The following TMPRSS6 variants were observed in gnomAD, a reference collection of about 807,000 sequenced individuals.
TMPRSS6 encodes transmembrane serine protease 6, also known as transmembrane protease serine 6.
A neutral mutation model predicts 101.5 loss-of-function variants in TMPRSS6; 67 were observed. The ratio of observed to expected loss-of-function variants is 0.66; its 90% CI spans 0.54 to 0.81. The LOEUF (loss-of-function observed/expected upper bound fraction) is 0.81, where lower values mean the gene tolerates loss of function less well. Ranked by LOEUF, TMPRSS6 falls within the 30% of genes least tolerant of loss-of-function variation. The pLI, the probability that TMPRSS6 is intolerant of heterozygous loss-of-function variation, is 0.00. For synonymous variants in TMPRSS6, 453 were observed against 464.9 expected (o/e 0.97, Z 0.33); for missense variants, 1,034 against 1,088.7 (o/e 0.95, Z 0.71).
intron 1 of TMPRSS6, among the ~76,000 whole-genome samples, chr22:37,104,248 T>A (rs1176921696): frequency 6.6e-6 from 1 of 152,056 alleles, no homozygotes; most frequent in African/African-American, 2.4e-5. Flanking sequence ...AGCCCCATTT[T>A]CCCAGTGTGA....
chr22:37,072,233 T>TG (rs1555887127), intron 13 of TMPRSS6, among the ~76,000 whole-genome samples: 2 of 58,582 alleles, frequency 3.4e-5, no homozygotes, highest in African/African-American at 2.1e-4. Context: ...GATGGATGGA[T>TG]GATGGATGGA....
rs1928565676 is a variant in TMPRSS6 at position 37,084,753 on chromosome 22, G to C, written c.1060C>G (p.Gln354Glu). The change falls in exon 9 of 18, where the codon CAA (glutamine) becomes GAA (glutamate). Residue 354 changes from glutamine (Q) to glutamate (E), a missense_variant. Physicochemically the swap from Gln to Glu is conservative, Grantham distance 29 (BLOSUM62 2). Coordinates refer to ENST00000676104, the MANE Select transcript of TMPRSS6 (RefSeq NM_001374504.1). ...GTGAGGTGCCAGGAGCAGTGGGTTTGGGGCGAGTAGTAGCTGGGGAAGTAC... is the reference window on the plus strand; with the variant it reads ...GTGAGGTGCCAGGAGCAGTGGGTTTCGGGCGAGTAGTAGCTGGGGAAGTAC... ...TPYFPSYYSP[Q>E]THCSWHLTVP... 1 of 1,566,178 alleles carries C rather than the reference G, an allele frequency of 6.4e-7. No homozygotes were observed. Among genetic ancestry groups the C allele is most frequent in the South Asian group, 1.2e-5 (1 of 85,140 alleles).
rs557247314 is a variant in TMPRSS6, at chr22:37,101,867, C to T, written c.202+1349G>A. ...CTAATTAGCCCGCTACCTGAGGAGG[C>T]CCCCACAGCCCTGTGCTATCTGGGG... On this transcript the variant is annotated intron_variant, in intron 2 of 17. Coordinates refer to ENST00000676104, the MANE Select transcript of TMPRSS6 (RefSeq NM_001374504.1). This position sits in a 1 kb window ranked among gnomAD's most constrained non-coding sequence, Gnocchi z 4.1. Among the ~76,000 whole-genome samples, 51 of 152,306 alleles carry T rather than the reference C, an allele frequency of 3.3e-4. No individual in the cohort carries two copies. The highest frequency in any genetic ancestry group is 3.4e-3 in the Middle Eastern group (1 of 294).
chr22:37,075,302 T>G, intron 10 of TMPRSS6, 22 bp from the exon 11 acceptor site: 1 of 1,612,848 alleles, frequency 6.2e-7, no homozygotes. Flanking sequence ...CAGAGACGAC[T>G]CAGGGCTGCA....
At chr22:37,099,082 G>A (rs1277574378) in intron 2 of TMPRSS6, among the ~76,000 whole-genome samples, 5 of 152,256 alleles carry the variant, frequency 3.3e-5, no homozygotes, top group African/African-American at 7.2e-5. Context: ...TCTGTCTGTG[G>A]GCAGTGCCAT....
At chr22:37,100,060 C>T (rs1569025505) in intron 2 of TMPRSS6, among the ~76,000 whole-genome samples, 1 of 152,184 alleles carries the variant, frequency 6.6e-6, no homozygotes, top group South Asian at 2.1e-4. Flanking sequence ...CTCTGCCTCC[C>T]GGGTTCAAGC....
chr22:37,098,431 G>C lies in TMPRSS6; in HGVS notation c.321C>G (p.Ala107=), dbSNP rs1264115523. ...RESSAFRSET[A]KAQKMLKELI... The stretch of plus-strand genomic sequence containing the variant: ...CCTTTCCTACCATCTTCTGGGCTTT[G>C]GCGGTTTCACTGCGGAAGGCACTAG... The change falls in exon 3 of 18, where the codon GCC becomes GCG. Residue 107 remains alanine (A), a synonymous_variant. Transcript: ENST00000676104. 1 of 1,613,548 alleles carries C rather than the reference G, an allele frequency of 6.2e-7. No individual in the cohort carries two copies. The highest frequency in any genetic ancestry group is 2.2e-5 in the East Asian group (1 of 44,856).
intron 8 of TMPRSS6, among the ~76,000 whole-genome samples, chr22:37,085,307 A>G (rs990802928): frequency 6.6e-6 from 1 of 151,990 alleles, no homozygotes; most frequent in Non-Finnish European, 1.5e-5. Flanking sequence ...TGCCCTGGCC[A>G]TCTCTCCATT....
intron 2 of TMPRSS6, among the ~76,000 whole-genome samples, chr22:37,100,242 C>T (rs1569025681): frequency 1.3e-5 from 2 of 152,260 alleles, no homozygotes; most frequent in Admixed American, 1.3e-4. Context: ...GCTGGGATTA[C>T]GGGCGTGAGC....
At chr22:37,083,838 A>T (rs1928452717) in intron 10 of TMPRSS6, 4 of 328,280 alleles carry the variant, frequency 1.2e-5, no homozygotes, top group Middle Eastern at 1.7e-3. Context: ...ACCCTGTGCA[A>T]TGGGATTGGG....
intron 13 of TMPRSS6, 70 bp from the exon 14 acceptor site, chr22:37,071,102 G>C (rs1926858976): frequency 1.4e-6 from 2 of 1,418,314 alleles, no homozygotes; most frequent in East Asian, 2.3e-5. Context: ...CTTCCAAAGT[G>C]GGGTGCAGGA....
chr22:37,093,054 G>A (rs981907120), intron 6 of TMPRSS6, among the ~76,000 whole-genome samples: 3 of 152,146 alleles, frequency 2.0e-5, no homozygotes, highest in Non-Finnish European at 2.9e-5. Context: ...GTGAGGACAC[G>A]GTCATCCTGG....
chr22:37,078,963 GAAAGAAAGAA>G (rs1569005941), intron 10 of TMPRSS6, among the ~76,000 whole-genome samples: 3 of 92,520 alleles, frequency 3.2e-5, no homozygotes, highest in East Asian at 3.2e-4. Flanking sequence ...AAAAGAGAAA[GAAAGAAAGAA>G]AAAGAAAGAA....
chr22:37,066,344 C>A, intron 17 of TMPRSS6, 106 bp from the exon 18 acceptor site: 1 of 1,175,284 alleles, frequency 8.5e-7, no homozygotes, highest in Non-Finnish European at 1.2e-6. Context: ...TGACTGGGTG[C>A]CAGAGTCACG....
Position 37,066,897 on chromosome 22 carries a change from C to T in TMPRSS6, c.2179G>A (p.Val727Ile). ...QLIPQDLCSEVYRYQVTPRML... is the reference protein window; with the variant it reads ...QLIPQDLCSEIYRYQVTPRML... ...CGTGGCGTCACCTGGTAGCGATAGA[C>T]CTCGCTGCACAGGTCCTGTGGGATC... Residue 727 changes from valine to isoleucine, a missense_variant, in exon 17 of 18, where the codon GTC (valine) becomes ATC (isoleucine). Coordinates refer to ENST00000676104, the MANE Select transcript of TMPRSS6 (RefSeq NM_001374504.1). 2 of 1,614,164 alleles carry T rather than the reference C, an allele frequency of 1.2e-6. No individual in the cohort carries two copies. Among genetic ancestry groups the T allele is most frequent in the Non-Finnish European group, 8.5e-7 (1 of 1,180,042 alleles).
chr22:37,074,287 A>C (rs780968901), intron 12 of TMPRSS6, among the ~76,000 whole-genome samples: 2 of 152,102 alleles, frequency 1.3e-5, no homozygotes, highest in Non-Finnish European at 2.9e-5. Flanking sequence ...AGGGCAGAGG[A>C]GGGGGACATC....
intron 10 of TMPRSS6, among the ~76,000 whole-genome samples, chr22:37,078,104 A>AG (rs1927834452): frequency 6.6e-6 from 1 of 152,242 alleles, no homozygotes; most frequent in African/African-American, 2.4e-5. Context: ...GGAAGTAGAC[A>AG]GGGGAGCCAG....
At chr22:37,106,252 C>G (rs934451463) in intron 1 of TMPRSS6, among the ~76,000 whole-genome samples, 1 of 151,902 alleles carries the variant, frequency 6.6e-6, no homozygotes, top group Non-Finnish European at 1.5e-5. Flanking sequence ...AGAGTGACGC[C>G]CTGATCACTG....
At chr22:37,097,762 T>TAACGGAGGGGGAGGAGAGGG (rs1569023272) in intron 3 of TMPRSS6, among the ~76,000 whole-genome samples, 1 of 92,072 alleles carries the variant, frequency 1.1e-5, no homozygotes, top group African/African-American at 4.9e-5. Context: ...GCGGCCACTG[T>TAACGGAGGGGGAGGAGAGGG]CCTGTAACGG....
Sources: gnomAD v4.1 joint callset for allele counts (sites outside exome capture counted in the v4.1 genomes callset) on GRCh38, gnomAD v4.1.1 for gene constraint, Gnocchi (gnomAD v3.1) non-coding constraint, MANE v1.5 for transcripts, NCBI Gene and HGNC (gene_info 2026-07-23, HGNC 2026-07-21) for gene names.